Variants in NBAS observed in about 807,000 individuals in gnomAD.
NBAS encodes the protein NBAS subunit of NRZ tethering complex.
Under a neutral mutation model 302.5 loss-of-function variants are expected in NBAS, and 219 were observed. The observed-to-expected ratio is 0.72, with a 90% CI of 0.65 to 0.81. The LOEUF is 0.81. NBAS is among the 30% of genes least tolerant of loss of function. The pLI, the probability that NBAS is intolerant of heterozygous loss-of-function variation, is 0.00. For synonymous variants in NBAS, 1,118 were observed against 1,021.6 expected, an observed-to-expected ratio of 1.09 and a Z score of -1.80; for missense variants, 2,932 against 2,841.6, an observed-to-expected ratio of 1.03 and a Z score of -0.72.
chr2:15,502,259 G>A (rs1661604236), intron 11 of NBAS, among the ~76,000 whole-genome samples: 1 of 152,190 alleles, frequency 6.6e-6, no homozygotes, highest in African/African-American at 2.4e-5. Context: ...AACTTCCTGT[G>A]AGATCCTGTG....
At chr2:15,443,648 G>T (rs1049792821) in intron 21 of NBAS, among the ~76,000 whole-genome samples, 112 of 150,782 alleles carry the variant, frequency 7.4e-4, no homozygotes, top group African/African-American at 2.5e-3. Flanking sequence ...GGAAGTTCTG[G>T]CCAGGGCAAT....
chr2:15,216,088 G>C (rs1231524499), intron 48 of NBAS, among the ~76,000 whole-genome samples: 10 of 152,146 alleles, frequency 6.6e-5, no homozygotes, highest in Non-Finnish European at 8.8e-5. Context: ...CTTCAAAATA[G>C]ATTTCAATCA....
intron 12 of NBAS, among the ~76,000 whole-genome samples, chr2:15,482,268 A>T (rs1364967231): frequency 6.6e-6 from 1 of 152,020 alleles, no homozygotes; most frequent in Non-Finnish European, 1.5e-5. Flanking sequence ...GTAGCTGGGA[A>T]TATGGGCACA....
At chr2:15,078,028 A>G in the NBAS span, among the ~76,000 whole-genome samples, 39,759 of 151,984 alleles carry the variant, frequency 0.26, 5,330 homozygotes, top group South Asian at 0.34. Context: ...ATGATTTTGA[A>G]GGTTACACAG....
chr2:15,393,912 A>G (rs1675737275), intron 28 of NBAS, among the ~76,000 whole-genome samples: 1 of 152,132 alleles, frequency 6.6e-6, no homozygotes, highest in Non-Finnish European at 1.5e-5. Flanking sequence ...AAAGTAATAT[A>G]CAGAAGTAAA....
chr2:15,183,564 T>C (rs1664929142), intron 50 of NBAS, among the ~76,000 whole-genome samples: 1 of 152,246 alleles, frequency 6.6e-6, no homozygotes, highest in South Asian at 2.1e-4. Flanking sequence ...CCTTAGAGAA[T>C]AGACAGAACT....
the NBAS span, among the ~76,000 whole-genome samples, chr2:14,985,471 T>C: frequency 1.3e-5 from 2 of 152,206 alleles, no homozygotes; most frequent in Non-Finnish European, 2.9e-5. Flanking sequence ...AAGCTTCTAG[T>C]GACAGTAAAG....
At chr2:15,002,622 C>T in the NBAS span, among the ~76,000 whole-genome samples, 2 of 152,312 alleles carry the variant, frequency 1.3e-5, no homozygotes, top group African/African-American at 2.4e-5. Context: ...CGCACAGGAT[C>T]CCACGGAGGT....
chr2:15,075,112 G>A, the NBAS span, among the ~76,000 whole-genome samples: 1 of 152,170 alleles, frequency 6.6e-6, no homozygotes, highest in African/African-American at 2.4e-5. Context: ...CTACAAAAAT[G>A]TTCATAGTGC....
In NBAS at chr2:15,394,238, G is replaced by T; in HGVS notation, c.3246C>A (p.His1082Gln). 1 of 1,608,804 alleles carries T rather than the reference G, an allele frequency of 6.2e-7. No individual in the cohort carries two copies. Among genetic ancestry groups the T allele is most frequent in the Non-Finnish European group, 8.5e-7 (1 of 1,176,822 alleles). ...ATTTTATTACTCACTTCCGGCCAGTGTGCCTCGTCAATCTAACCATCAGCT... is the reference window on the plus strand; with the variant it reads ...ATTTTATTACTCACTTCCGGCCAGTTTGCCTCGTCAATCTAACCATCAGCT... Reference protein sequence around the residue: ...ARKLMVRLTRHTGRKQPPVSE... With the variant: ...ARKLMVRLTRQTGRKQPPVSE... The change falls in exon 28 of 52, where the codon CAC (histidine) becomes CAA (glutamine). Residue 1082 changes from histidine to glutamine, a missense_variant. By Grantham distance (24) the His-to-Gln change is conservative. Coordinates refer to ENST00000281513, the MANE Select transcript of NBAS (RefSeq NM_015909.4).
In NBAS at chr2:15,415,276, A is replaced by G. The variant is rs575103296; in HGVS notation, c.2937+270T>C. 2.0e-5 allele frequency among the ~76,000 whole-genome samples: 3 copies of G among 152,362 alleles called. No homozygotes were observed. The East Asian group carries it at 5.8e-4, about 29-fold the overall frequency. On this transcript the variant is annotated intron_variant, in intron 25 of 51. Transcript: ENST00000281513. Reference sequence around the variant, plus strand: ...AAAGTCATGTATAGAAGAATTCAATACTTGCCAATTATTAGTCTTCTTGGT... The same window carrying G: ...AAAGTCATGTATAGAAGAATTCAATGCTTGCCAATTATTAGTCTTCTTGGT...
the NBAS span, among the ~76,000 whole-genome samples, chr2:15,086,515 C>T: frequency 6.6e-6 from 1 of 152,210 alleles, no homozygotes; most frequent in Non-Finnish European, 1.5e-5. Flanking sequence ...TGCCATATTG[C>T]AGACAGAGAG....
At chr2:14,843,041 T>C in the NBAS span, among the ~76,000 whole-genome samples, 1 of 152,164 alleles carries the variant, frequency 6.6e-6, no homozygotes, top group African/African-American at 2.4e-5. Context: ...TGATACTTCA[T>C]ACTGACAGAA....
At chr2:15,368,222 T>C (rs1288351984) in intron 31 of NBAS, among the ~76,000 whole-genome samples, 4 of 135,752 alleles carry the variant, frequency 2.9e-5, no homozygotes, top group South Asian at 2.4e-4. Context: ...TTTTTTGAGA[T>C]AGAATCTCCC....
intron 42 of NBAS, among the ~76,000 whole-genome samples, chr2:15,284,261 C>T (rs955968862): frequency 6.6e-6 from 1 of 151,822 alleles, no homozygotes; most frequent in Non-Finnish European, 1.5e-5. Context: ...ATTAATGAAG[C>T]TGTGATCATA....
the NBAS span, among the ~76,000 whole-genome samples, chr2:15,144,501 C>T: frequency 2.6e-5 from 4 of 152,200 alleles, no homozygotes; most frequent in South Asian, 2.1e-4. Flanking sequence ...AACTTCTCTG[C>T]GTGAGGCACT....
the NBAS span, among the ~76,000 whole-genome samples, chr2:14,797,007 G>A: frequency 0.035 from 5,249 of 150,038 alleles, 304 homozygotes; most frequent in African/African-American, 0.12. Context: ...GGAGAATGGT[G>A]TGAATCCGGG....
At chr2:15,375,433 C>T (rs570606617) in intron 30 of NBAS, among the ~76,000 whole-genome samples, 3 of 152,210 alleles carry the variant, frequency 2.0e-5, no homozygotes, top group East Asian at 1.9e-4. Context: ...CAGGCGGTAA[C>T]GGGCTCATGA....
Position 15,503,494 on chromosome 2 carries a change from C to G in NBAS, c.954+651G>C, listed in dbSNP as rs1558395323. Among the ~76,000 whole-genome samples, 3 of 152,236 alleles carry G rather than the reference C, an allele frequency of 2.0e-5. No homozygotes were observed. In the South Asian group the frequency reaches 6.2e-4, roughly 32 times the overall value. The stretch of plus-strand genomic sequence containing the variant: ...CCAAGACAGGAGTATGATTTGATTC[C>G]CCCACAAGACAAAAGTATGATTTGA... On this transcript the variant is annotated intron_variant, in intron 11 of 51. Transcript: ENST00000281513.
Sources: gnomAD v4.1 joint callset for allele counts (sites outside exome capture counted in the v4.1 genomes callset) on GRCh38, gnomAD v4.1.1 for gene constraint, MANE v1.5 for transcripts, NCBI Gene and HGNC (gene_info 2026-07-23, HGNC 2026-07-21) for gene names.